PIAS4: variants seen among roughly 807,000 people sequenced by gnomAD.
PIAS4 encodes protein inhibitor of activated STAT 4.
In PIAS4, 7 loss-of-function variants were observed where a neutral mutation model predicts 58.0. The observed-to-expected ratio is 0.12, with a 90% confidence interval of 0.07 to 0.23. The LOEUF (loss-of-function observed/expected upper bound fraction) is 0.23. Ranked by LOEUF, PIAS4 falls within the 10% of genes least tolerant of loss-of-function variation. PIAS4 has a pLI of 1.00. For synonymous variants in PIAS4, 364 were observed against 312.4 expected, an observed-to-expected ratio of 1.17 and a Z score of -1.74; for missense variants, 550 against 709.5, an observed-to-expected ratio of 0.78 and a Z score of 2.55.
At chr19:4,028,232 A>ACC in intron 4 of PIAS4, 45 bp downstream of exon 4, 2 of 956,494 alleles carry the variant, frequency 2.1e-6, no homozygotes, top group South Asian at 1.6e-5. Flanking sequence ...ACCCCCAGCC[A>ACC]CCCGCCCCTC....
At chr19:4,032,204 G>A (rs1599230948) in intron 7 of PIAS4, among the ~76,000 whole-genome samples, 1 of 152,284 alleles carries the variant, frequency 6.6e-6, no homozygotes. Flanking sequence ...GACAGCTGGG[G>A]GGAGTGGGGG....
chr19:4,029,070 C>A, intron 7 of PIAS4, 34 bp downstream of exon 7: 1 of 1,485,046 alleles, frequency 6.7e-7, no homozygotes. Flanking sequence ...CCGAGGGGTG[C>A]CAAGTCCACC....
In PIAS4 at chr19:4,037,819, G is replaced by C; in HGVS notation, c.1477G>C (p.Gly493Arg). The C allele has an allele frequency of 6.3e-7, 1 of 1,579,536 alleles. No homozygotes were observed. Among genetic ancestry groups the C allele is most frequent in the Non-Finnish European group, 8.6e-7 (1 of 1,163,550 alleles). Residue 493 changes from glycine to arginine, a missense_variant, in exon 11 of 11, where the codon GGG becomes CGG. Physicochemically the swap from Gly to Arg is moderately radical, Grantham distance 125. Transcript: ENST00000262971. The surrounding 1 kb of genome is among the most constrained non-coding windows in gnomAD (Gnocchi z 5.8). Reference sequence around the variant, plus strand: ...GGAGGAGGAAGACGAGGACGAAGAGGGGCCCCGGCCCAAGCGCCGCTGCCC... The same window carrying C: ...GGAGGAGGAAGACGAGGACGAAGAGCGGCCCCGGCCCAAGCGCCGCTGCCC... ...EEEEEDEDEE[G>R]PRPKRRCPFQ... is the part of the protein sequence containing the mutation.
chr19:4,016,028 G>A (rs572798636), intron 2 of PIAS4, among the ~76,000 whole-genome samples: 22 of 152,330 alleles, frequency 1.4e-4, no homozygotes, highest in African/African-American at 5.3e-4. Flanking sequence ...GCCCAAGGTC[G>A]CACAGCGGCC....
chr19:4,010,894 C>T (rs371802391), intron 1 of PIAS4, among the ~76,000 whole-genome samples: 1 of 152,226 alleles, frequency 6.6e-6, no homozygotes, highest in African/African-American at 2.4e-5. Context: ...AGGGCTGGGC[C>T]GCCTGCACGT....
intron 7 of PIAS4, among the ~76,000 whole-genome samples, chr19:4,031,816 G>T (rs1234720471): frequency 6.6e-6 from 1 of 152,192 alleles, no homozygotes; most frequent in African/African-American, 2.4e-5. Flanking sequence ...TTCCTGCTGC[G>T]CACGTCTCTC....
chr19:4,008,091 C>T (rs924396910), intron 1 of PIAS4, among the ~76,000 whole-genome samples: 1 of 151,946 alleles, frequency 6.6e-6, no homozygotes, highest in Admixed American at 6.5e-5. Flanking sequence ...AGGCCAGGGC[C>T]GCGCCTCCCG....
intron 2 of PIAS4, among the ~76,000 whole-genome samples, chr19:4,020,632 T>C (rs1202025505): frequency 1.3e-5 from 2 of 152,250 alleles, no homozygotes; most frequent in East Asian, 1.9e-4. Flanking sequence ...TATCTAAATA[T>C]ATTTTTTAAT....
chr19:4,026,401 G>A (rs2040165098), intron 3 of PIAS4, among the ~76,000 whole-genome samples: 1 of 151,528 alleles, frequency 6.6e-6, no homozygotes, highest in South Asian at 2.1e-4. Flanking sequence ...CAAAGTGCTG[G>A]GATTACAGGC....
intron 1 of PIAS4, among the ~76,000 whole-genome samples, chr19:4,008,990 A>G (rs1243704145): frequency 1.3e-5 from 2 of 152,072 alleles, no homozygotes; most frequent in African/African-American, 4.8e-5. Flanking sequence ...CTAGCTTGGA[A>G]CCACTTTTAA....
chr19:4,023,336 A>G (rs1241083033), intron 2 of PIAS4, among the ~76,000 whole-genome samples: 3 of 151,808 alleles, frequency 2.0e-5, no homozygotes, highest in African/African-American at 4.8e-5. Context: ...AAAATTAGCC[A>G]GGCTTGGTGG....
At position 4,037,088 on chromosome 19, in the gene PIAS4, A is replaced by G. The variant is rs368023001; in HGVS notation, c.1143-286A>G. On this transcript the variant is annotated intron_variant, in intron 9 of 10. Transcript: ENST00000262971. This position sits in a 1 kb window ranked among gnomAD's most constrained non-coding sequence, Gnocchi z 5.8. ...TGGGGAGGACCCCTGCAGCTGCCACACTCCCTGCTCTTGTGGGTAGTTGGG... is the reference window on the plus strand; with the variant it reads ...TGGGGAGGACCCCTGCAGCTGCCACGCTCCCTGCTCTTGTGGGTAGTTGGG... 3.5e-4 allele frequency among the ~76,000 whole-genome samples: 53 copies of G among 151,588 alleles called. No homozygotes were observed. The East Asian group carries it at 0.01, about 29-fold the overall frequency.
chr19:4,029,057 C>T (rs774851905), intron 7 of PIAS4, 21 bp downstream of exon 7: 45 of 1,550,036 alleles, frequency 2.9e-5, no homozygotes, highest in South Asian at 9.3e-5. Flanking sequence ...CAGGCCACCT[C>T]GGCCGAGGGG....
At chr19:4,008,020 C>G (rs929490385) in intron 1 of PIAS4, among the ~76,000 whole-genome samples, 1 of 151,618 alleles carries the variant, frequency 6.6e-6, no homozygotes, top group African/African-American at 2.4e-5. Flanking sequence ...GTCGCTCCCC[C>G]GGCTTCAGGC....
chr19:4,008,576 C>T (rs1356883718), intron 1 of PIAS4, among the ~76,000 whole-genome samples: 1 of 152,070 alleles, frequency 6.6e-6, no homozygotes, highest in Non-Finnish European at 1.5e-5. Flanking sequence ...CACAGACCTT[C>T]TTTATTCTCC....
intron 1 of PIAS4, among the ~76,000 whole-genome samples, chr19:4,012,718 A>C (rs2040008064): frequency 6.6e-6 from 1 of 151,880 alleles, no homozygotes; most frequent in African/African-American, 2.4e-5. Context: ...GATGCTGGGG[A>C]AAGTTTGATG....
At chr19:4,032,165 AG>A (rs1262877322) in intron 7 of PIAS4, among the ~76,000 whole-genome samples, 2 of 150,210 alleles carry the variant, frequency 1.3e-5, no homozygotes, top group East Asian at 2.0e-4. Context: ...AAGGGGTGGT[AG>A]GGGCATTTCC....
intron 7 of PIAS4, 142 bp from the exon 8 acceptor site, chr19:4,032,958 C>T (rs990765763): frequency 7.3e-5 from 49 of 672,078 alleles, no homozygotes; most frequent in Middle Eastern, 2.5e-4. Context: ...CTCACGGCCC[C>T]GAGCCACACA....
In PIAS4 at chr19:4,038,711, C is replaced by A; in HGVS notation, c.*836C>A. Reference sequence around the variant, plus strand: ...GAACAGCACAGATGTCCACAGATGTCCACAGCTGCCGCCGCCGCCGCCGCC... The same window carrying A: ...GAACAGCACAGATGTCCACAGATGTACACAGCTGCCGCCGCCGCCGCCGCC... On this transcript the variant is annotated 3_prime_UTR_variant, in exon 11 of 11. Coordinates refer to ENST00000262971, the MANE Select transcript of PIAS4 (RefSeq NM_015897.4). The surrounding 1 kb of genome is among the most constrained non-coding windows in gnomAD (Gnocchi z 4.1). The A allele has an allele frequency of 6.5e-6, 1 of 154,358 alleles. No individual in the cohort carries two copies. Among genetic ancestry groups the A allele is most frequent in the South Asian group, 1.7e-4 (1 of 5,720 alleles). 9.6% of individuals were successfully genotyped at this position (154,358 alleles called of 1,614,324 possible).
Sources: gnomAD v4.1 joint callset for allele counts (sites outside exome capture counted in the v4.1 genomes callset) on GRCh38, gnomAD v4.1.1 for gene constraint, Gnocchi (gnomAD v3.1) non-coding constraint, MANE v1.5 for transcripts, NCBI Gene and HGNC (gene_info 2026-07-23, HGNC 2026-07-21) for gene names.